Variants in RIMS1 observed in about 807,000 individuals in gnomAD.
RIMS1 encodes regulating synaptic membrane exocytosis 1.
RIMS1 carries 83 observed loss-of-function variants against 214.1 expected under a neutral mutation model. The observed-to-expected ratio is 0.39, with a 90% CI of 0.32 to 0.47. RIMS1 has a LOEUF of 0.47. RIMS1 is among the 20% of genes least tolerant of loss of function. The pLI is 0.99. For synonymous variants in RIMS1, 793 were observed against 786.8 expected (o/e 1.01, Z -0.13); for missense variants, 2,050 against 2,161.8 (o/e 0.95, Z 1.03).
chr6:72,396,895 C>A (rs2098785045), intron 31 of RIMS1, among the ~76,000 whole-genome samples: 1 of 152,100 alleles, frequency 6.6e-6, no homozygotes, highest in Non-Finnish European at 1.5e-5. Flanking sequence ...TGCCTGTAGT[C>A]CCAGCTACTC....
intron 4 of RIMS1, among the ~76,000 whole-genome samples, chr6:72,151,395 A>G (rs2043565174): frequency 6.6e-6 from 1 of 152,252 alleles, no homozygotes; most frequent in African/African-American, 2.4e-5. Context: ...ATGAAAGTCT[A>G]AAGATGTGAT....
chr6:72,138,090 G>GT (rs542730713), intron 4 of RIMS1, among the ~76,000 whole-genome samples: 2 of 151,970 alleles, frequency 1.3e-5, no homozygotes, highest in Non-Finnish European at 2.9e-5. Context: ...GTGTGTGTGT[G>GT]TATGTATATG....
At chr6:72,231,550 A>G (rs1334673452) in intron 6 of RIMS1, among the ~76,000 whole-genome samples, 1 of 151,712 alleles carries the variant, frequency 6.6e-6, no homozygotes, top group Non-Finnish European at 1.5e-5. Context: ...TGTAGCATCC[A>G]TTTTATTACG....
At chr6:72,018,818 T>G (rs1813618169) in intron 2 of RIMS1, among the ~76,000 whole-genome samples, 2 of 152,182 alleles carry the variant, frequency 1.3e-5, no homozygotes, top group African/African-American at 4.8e-5. Flanking sequence ...ATTGTTTGAT[T>G]GAGCAGATAT....
At chr6:72,222,743 A>G (rs1196983283) in intron 6 of RIMS1, among the ~76,000 whole-genome samples, 1 of 152,220 alleles carries the variant, frequency 6.6e-6, no homozygotes, top group East Asian at 1.9e-4. Flanking sequence ...TAGGAGGGCT[A>G]TAAAGGGATT....
intron 23 of RIMS1, among the ~76,000 whole-genome samples, chr6:72,276,773 T>C (rs139954250): frequency 5.3e-5 from 8 of 152,322 alleles, no homozygotes; most frequent in African/African-American, 1.9e-4. Context: ...TGTCCACTAA[T>C]GCTACATTCA....
intron 1 of RIMS1, among the ~76,000 whole-genome samples, chr6:71,924,628 T>G (rs1483263780): frequency 8.3e-6 from 1 of 120,206 alleles, no homozygotes; most frequent in Admixed American, 8.2e-5. Context: ...ACCCCATCTC[T>G]GCAAAAAAAA....
chr6:72,173,281 T>C (rs1042101931), intron 4 of RIMS1, among the ~76,000 whole-genome samples: 5 of 152,084 alleles, frequency 3.3e-5, no homozygotes, highest in Non-Finnish European at 7.4e-5. Context: ...TTTAGCTTTG[T>C]TATATTGAAA....
At chr6:72,136,139 A>G (rs1587852699) in intron 4 of RIMS1, among the ~76,000 whole-genome samples, 1 of 152,334 alleles carries the variant, frequency 6.6e-6, no homozygotes, top group Non-Finnish European at 1.5e-5. Flanking sequence ...TCAGTAATCT[A>G]TAAGATAAAT....
intron 1 of RIMS1, among the ~76,000 whole-genome samples, chr6:71,936,285 C>G (rs1784409830): frequency 7.1e-6 from 1 of 141,066 alleles, no homozygotes; most frequent in African/African-American, 2.6e-5. Context: ...CGAGATCGCG[C>G]CACTGCACTC....
At position 72,025,766 on chromosome 6, in the gene RIMS1, T is replaced by G. The variant is rs189571531; in HGVS notation, c.245+56703T>G. Among the ~76,000 whole-genome samples, 12 of 152,308 alleles carry G rather than the reference T, an allele frequency of 7.9e-5. No individual in the cohort carries two copies. The East Asian group carries it at 2.3e-3, about 29-fold the overall frequency. On this transcript the variant is annotated intron_variant, in intron 2 of 33. Coordinates refer to ENST00000521978, the MANE Select transcript of RIMS1 (RefSeq NM_014989.7). ...TATAGGTCAGGAATTTGAGAAAAAT[T>G]TCTATGAGTGGTTCAGGCTTGGATT...
intron 5 of RIMS1, among the ~76,000 whole-genome samples, chr6:72,181,341 C>T (rs1252725057): frequency 6.6e-6 from 1 of 152,014 alleles, no homozygotes; most frequent in Non-Finnish European, 1.5e-5. Context: ...AGAAAGGACA[C>T]CAGAGATATC....
At chr6:72,282,344 C>G (rs563237390) in intron 23 of RIMS1, among the ~76,000 whole-genome samples, 26 of 152,192 alleles carry the variant, frequency 1.7e-4, no homozygotes, top group Admixed American at 1.5e-3. Flanking sequence ...TCCCAACAAC[C>G]ATGTCTCATT....
At chr6:71,918,321 TC>T (rs988137533) in intron 1 of RIMS1, among the ~76,000 whole-genome samples, 1 of 151,870 alleles carries the variant, frequency 6.6e-6, no homozygotes, top group African/African-American at 2.4e-5. Context: ...AAATGGAGAA[TC>T]ATTTTTAAGA....
intron 6 of RIMS1, among the ~76,000 whole-genome samples, chr6:72,225,926 T>C (rs1372430270): frequency 6.6e-6 from 1 of 152,164 alleles, no homozygotes; most frequent in Non-Finnish European, 1.5e-5. Flanking sequence ...TTATTAGGCC[T>C]CAGGTCATAT....
intron 6 of RIMS1, chr6:72,216,642 A>C (rs1287312190): frequency 1.6e-5 from 16 of 985,454 alleles, no homozygotes; most frequent in Non-Finnish European, 1.8e-5. Context: ...ATTTCAGGTG[A>C]GTTTTCTGTG....
intron 2 of RIMS1, among the ~76,000 whole-genome samples, chr6:71,979,401 C>T (rs762117783): frequency 3.9e-5 from 6 of 151,978 alleles, no homozygotes; most frequent in Non-Finnish European, 5.9e-5. Context: ...CCAGGGTCAC[C>T]CAGCAGGACA....
At chr6:72,209,413 A>C (rs2053451744) in intron 6 of RIMS1, among the ~76,000 whole-genome samples, 2 of 152,338 alleles carry the variant, frequency 1.3e-5, no homozygotes, top group Admixed American at 6.5e-5. Flanking sequence ...TGAACTAAAT[A>C]TATTAATTTC....
At chr6:72,085,336 T>G (rs1024617683) in intron 2 of RIMS1, among the ~76,000 whole-genome samples, 2 of 152,188 alleles carry the variant, frequency 1.3e-5, no homozygotes, top group Non-Finnish European at 2.9e-5. Context: ...TGAAGCAACC[T>G]ATGTTTAAGC....
Sources: allele counts gnomAD v4.1 joint callset (sites outside exome capture counted in the v4.1 genomes callset), GRCh38; gene constraint gnomAD v4.1.1; transcripts MANE v1.5; gene names NCBI Gene and HGNC (gene_info 2026-07-23, HGNC 2026-07-21).